APBB2: variants seen among roughly 807,000 people sequenced by gnomAD.
APBB2 encodes Fe65-like 1.
In APBB2, 38 loss-of-function variants were observed where a neutral mutation model predicts 82.5. That is an observed-to-expected ratio of 0.46 (90% CI 0.36 to 0.60). The LOEUF (loss-of-function observed/expected upper bound fraction) is 0.60, where lower values mean the gene tolerates loss of function less well. APBB2 is among the 20% of genes least tolerant of loss of function. The pLI is 0.00. For missense variants in APBB2, 772 were observed against 972.3 expected (o/e 0.79, Z 2.74); for synonymous variants, 341 against 368.2 (o/e 0.93, Z 0.85).
intron 2 of APBB2, among the ~76,000 whole-genome samples, chr4:41,118,865 C>T (rs1323916990): frequency 1.3e-5 from 2 of 152,096 alleles, no homozygotes; most frequent in Non-Finnish European, 2.9e-5. Flanking sequence ...ACTGGCCGGG[C>T]GCGGTGGCTC....
At chr4:41,094,246 T>C (rs1742746883) in intron 3 of APBB2, among the ~76,000 whole-genome samples, 1 of 152,218 alleles carries the variant, frequency 6.6e-6, no homozygotes, top group African/African-American at 2.4e-5. Context: ...AAATATCATT[T>C]ATGACATTGG....
chr4:41,085,806 A>C (rs915038473), intron 3 of APBB2, among the ~76,000 whole-genome samples: 4 of 152,216 alleles, frequency 2.6e-5, no homozygotes, highest in Non-Finnish European at 4.4e-5. Context: ...AAACAAAAAA[A>C]AAGAAGTCTA....
chr4:40,910,086 C>A (rs536322811), intron 10 of APBB2, among the ~76,000 whole-genome samples: 1 of 150,632 alleles, frequency 6.6e-6, no homozygotes, highest in Non-Finnish European at 1.5e-5. Flanking sequence ...TCCCTAGTAG[C>A]GGGGATTACA....
chr4:41,060,840 C>T (rs1018815461), intron 4 of APBB2, among the ~76,000 whole-genome samples: 3 of 152,172 alleles, frequency 2.0e-5, no homozygotes, highest in Admixed American at 1.3e-4. Flanking sequence ...GACCCAAAGG[C>T]ACAGGGTGTA....
intron 10 of APBB2, among the ~76,000 whole-genome samples, chr4:40,907,338 TA>T (rs1777054698): frequency 2.2e-5 from 3 of 139,284 alleles, no homozygotes; most frequent in Admixed American, 7.4e-5. Flanking sequence ...TAATTTAATT[TA>T]ATATATTACA....
At chr4:41,212,801 C>T (rs1318530056) in intron 1 of APBB2, among the ~76,000 whole-genome samples, 2 of 152,218 alleles carry the variant, frequency 1.3e-5, no homozygotes, top group African/African-American at 4.8e-5. Flanking sequence ...CACCTGTGTT[C>T]TCTCGGCATT....
intron 4 of APBB2, among the ~76,000 whole-genome samples, chr4:41,059,287 C>A (rs1052325562): frequency 1.3e-5 from 2 of 152,204 alleles, no homozygotes; most frequent in African/African-American, 2.4e-5. Flanking sequence ...ATGGTGAAAA[C>A]CCATCTCTAC....
In APBB2 at chr4:41,197,023, C is replaced by T; in HGVS notation, c.-417+17382G>A. On this transcript the variant is annotated intron_variant, in intron 1 of 17. Coordinates refer to ENST00000508593, the MANE Select transcript of APBB2 (RefSeq NM_004307.2). ...TGGGTAATTTGAAGACAATTAACAA[C>T]AAACCAAAACTATCTTTAAATTGAT... is the stretch of plus-strand genomic sequence containing the variant. Among the ~76,000 whole-genome samples, 49 of 152,248 alleles carry T rather than the reference C, an allele frequency of 3.2e-4. No individual in the cohort carries two copies. The South Asian group carries it at 0.01, about 32-fold the overall frequency.
At chr4:40,853,036 G>A (rs1348790794) in intron 12 of APBB2, among the ~76,000 whole-genome samples, 13 of 152,134 alleles carry the variant, frequency 8.5e-5, no homozygotes, top group Admixed American at 8.5e-4. Flanking sequence ...CTATTAGCAT[G>A]TATTTTCTAC....
chr4:40,958,259 G>A (rs1328697681), intron 6 of APBB2, among the ~76,000 whole-genome samples: 2 of 152,072 alleles, frequency 1.3e-5, no homozygotes, highest in African/African-American at 4.8e-5. Context: ...TCTAACTAGT[G>A]ATATTAAAGT....
chr4:41,179,099 A>C (rs1364059073), intron 1 of APBB2, among the ~76,000 whole-genome samples: 1 of 152,234 alleles, frequency 6.6e-6, no homozygotes, highest in Non-Finnish European at 1.5e-5. Context: ...CTCAACAAAA[A>C]GTTTTCTGTT....
At chr4:41,144,713 T>A (rs969746259) in intron 1 of APBB2, among the ~76,000 whole-genome samples, 1 of 152,356 alleles carries the variant, frequency 6.6e-6, no homozygotes, top group South Asian at 2.1e-4. Flanking sequence ...AAATAAAAAA[T>A]TCTTTTTTAC....
chr4:40,893,036 A>G, intron 11 of APBB2: 1 of 402,432 alleles, frequency 2.5e-6, no homozygotes. Context: ...CTGTGTCCTT[A>G]GCTACTGAGA....
intron 10 of APBB2, among the ~76,000 whole-genome samples, chr4:40,899,044 T>A (rs897779546): frequency 6.6e-6 from 1 of 152,166 alleles, no homozygotes; most frequent in Non-Finnish European, 1.5e-5. Flanking sequence ...TTACCCTAAG[T>A]TATGTGGTTC....
rs1162635293 is a variant in APBB2, at chr4:40,885,657, G to GTC, written c.1529+4705_1529+4706dup. Among the ~76,000 whole-genome samples, 4 of 152,198 alleles carry GTC rather than the reference G, an allele frequency of 2.6e-5. No homozygotes were observed. The East Asian group carries it at 7.7e-4, about 29-fold the overall frequency. On this transcript the variant is annotated intron_variant, in intron 12 of 17. Coordinates refer to ENST00000508593, the MANE Select transcript of APBB2 (RefSeq NM_004307.2). ...TCTTCATTAGAGCAGGCCCAATGGG[G>GTC]TCTCCACTTATAATATTCATTAAAA... is the stretch of plus-strand genomic sequence containing the variant.
At chr4:40,846,103 T>C (rs1757548884) in intron 12 of APBB2, among the ~76,000 whole-genome samples, 1 of 151,882 alleles carries the variant, frequency 6.6e-6, no homozygotes. Flanking sequence ...TTTTTCAGTT[T>C]CTTCATCTGT....
chr4:40,994,211 T>A (rs1025782768), intron 6 of APBB2, among the ~76,000 whole-genome samples: 1 of 150,184 alleles, frequency 6.7e-6, no homozygotes, highest in African/African-American at 2.5e-5. Flanking sequence ...GGCGTGAACC[T>A]GGGAGGTGGA....
At chr4:40,825,480 C>G (rs1749584845) in intron 15 of APBB2, among the ~76,000 whole-genome samples, 1 of 152,230 alleles carries the variant, frequency 6.6e-6, no homozygotes, top group South Asian at 2.1e-4. Flanking sequence ...ACTACTGTGT[C>G]ACTCCTTGAC....
At position 40,964,775 on chromosome 4, in the gene APBB2, C is replaced by CACACACACACACACACACAA. The variant is rs1170561072; in HGVS notation, c.836-19703_836-19702insTTGTGTGTGTGTGTGTGTGT. ...ATAAACACACACACACACACACACA[C>CACACACACACACACACACAA]AACAATGCACATTGCAAGTATAGTT... On this transcript the variant is annotated intron_variant, in intron 6 of 17. Transcript: ENST00000508593. Among the ~76,000 whole-genome samples, 10 of 151,906 alleles carry CACACACACACACACACACAA rather than the reference C, an allele frequency of 6.6e-5. No individual in the cohort carries two copies. In the South Asian group the frequency reaches 1.7e-3, roughly 25 times the overall value.
Sources: allele counts gnomAD v4.1 joint callset (sites outside exome capture counted in the v4.1 genomes callset), GRCh38; gene constraint gnomAD v4.1.1; transcripts MANE v1.5; gene names NCBI Gene and HGNC (gene_info 2026-07-23, HGNC 2026-07-21).